The following GRK4 variants were observed in gnomAD, a reference collection of about 807,000 sequenced individuals.
GRK4 encodes the protein G protein-coupled receptor kinase 4.
A neutral mutation model predicts 77.9 loss-of-function variants in GRK4; 73 were observed. That is an observed-to-expected ratio of 0.94 (90% confidence interval 0.78 to 1.14). The LOEUF (loss-of-function observed/expected upper bound fraction) is 1.14, where lower values mean the gene tolerates loss of function less well. Ranked by LOEUF, GRK4 falls within the 50% of genes most tolerant of loss-of-function variation. GRK4 has a pLI of 0.00. For missense variants in GRK4, 729 were observed against 700.2 expected (o/e 1.04, Z -0.46); for synonymous variants, 257 against 254.4 (o/e 1.01, Z -0.10).
chr4:2,992,409 A>G (rs1726492515), intron 4 of GRK4, 117 bp downstream of exon 4: 2 of 634,376 alleles, frequency 3.2e-6, no homozygotes, highest in Non-Finnish European at 5.5e-6. Flanking sequence ...GCTGGGTGTG[A>G]TGCCTGACGC....
chr4:3,007,067 T>G (rs1406214053), intron 5 of GRK4, among the ~76,000 whole-genome samples: 1 of 152,216 alleles, frequency 6.6e-6, no homozygotes. Context: ...CTAGGCTTGG[T>G]GGCTTACACC....
chr4:2,986,910 C>T (rs938428999), intron 2 of GRK4: 2 of 303,272 alleles, frequency 6.6e-6, no homozygotes, highest in South Asian at 2.7e-5. Flanking sequence ...TGTTGTAACC[C>T]CCCCATTGTT....
intron 10 of GRK4, among the ~76,000 whole-genome samples, chr4:3,025,840 T>G (rs572362569): frequency 2.6e-5 from 4 of 152,362 alleles, no homozygotes; most frequent in Non-Finnish European, 5.9e-5. Flanking sequence ...ATTCCTTCAT[T>G]TACATACTAT....
At chr4:2,996,634 T>G (rs578148559) in intron 4 of GRK4, among the ~76,000 whole-genome samples, 1 of 152,018 alleles carries the variant, frequency 6.6e-6, no homozygotes, top group East Asian at 1.9e-4. Context: ...ATGAGCTTTG[T>G]GGGGGATAGA....
chr4:3,035,552 C>A, intron 13 of GRK4, 29 bp downstream of exon 13: 2 of 1,597,802 alleles, frequency 1.3e-6, no homozygotes, highest in East Asian at 2.2e-5. Flanking sequence ...CGAGCAGGGC[C>A]CTAGGAACAG....
chr4:2,972,230 T>C (rs1343256179), intron 1 of GRK4, among the ~76,000 whole-genome samples: 1 of 152,162 alleles, frequency 6.6e-6, no homozygotes, highest in Non-Finnish European at 1.5e-5. Context: ...CAGACTTTAG[T>C]GTCTGTGGAT....
Position 3,023,198 on chromosome 4 carries a change from T to C in GRK4, c.970+747T>C, listed in dbSNP as rs910615335. ...AGACCCTGTAATAGTGGACAGGGAG[T>C]GGCCCTTTTCAGCAGGCTCCTTGTC... is the stretch of plus-strand genomic sequence containing the variant. On this transcript the variant is annotated intron_variant, in intron 10 of 15. Coordinates refer to ENST00000398052, the MANE Select transcript of GRK4 (RefSeq NM_182982.3). Among the ~76,000 whole-genome samples, 5 of 151,882 alleles carry C rather than the reference T, an allele frequency of 3.3e-5. No individual in the cohort carries two copies. The South Asian group carries it at 1.0e-3, about 32-fold the overall frequency.
At chr4:2,992,136 C>G (rs1726384337) in intron 3 of GRK4, 79 bp from the exon 4 acceptor site, 1 of 957,270 alleles carries the variant, frequency 1.0e-6, no homozygotes, top group Middle Eastern at 2.4e-4. Context: ...ACCTCAGCGT[C>G]CCAAGTGGCT....
intron 10 of GRK4, 57 bp from the exon 11 acceptor site, chr4:3,027,855 T>A (rs1035175715): frequency 7.0e-7 from 1 of 1,418,736 alleles, no homozygotes; most frequent in African/African-American, 1.4e-5. Flanking sequence ...TTTTAATTGT[T>A]GTTACGGTGT....
chr4:3,007,593 C>T (rs1049446581), intron 5 of GRK4, 143 bp from the exon 6 acceptor site: 1 of 516,204 alleles, frequency 1.9e-6, no homozygotes, highest in African/African-American at 2.0e-5. Flanking sequence ...CTAACGTGGA[C>T]TTCTGTAATT....
At chr4:3,020,296 G>A (rs570337000) in intron 9 of GRK4, among the ~76,000 whole-genome samples, 11 of 152,236 alleles carry the variant, frequency 7.2e-5, no homozygotes, top group East Asian at 3.9e-4. Flanking sequence ...GTGAGCCACC[G>A]TGCCCAGCCT....
At chr4:2,969,464 C>A (rs1294823653) in intron 1 of GRK4, 6 of 151,802 alleles carry the variant, frequency 4.0e-5, no homozygotes, top group African/African-American at 1.5e-4. Context: ...GCAACCTCCG[C>A]CTCCTGGGTT....
chr4:2,987,457 T>G (rs1402230146), intron 2 of GRK4, among the ~76,000 whole-genome samples: 3 of 152,208 alleles, frequency 2.0e-5, no homozygotes, highest in Non-Finnish European at 2.9e-5. Context: ...AATTACTGTT[T>G]GAAATGTACA....
At chr4:2,986,181 C>T (rs1221497318) in intron 2 of GRK4, among the ~76,000 whole-genome samples, 1 of 151,770 alleles carries the variant, frequency 6.6e-6, no homozygotes, top group East Asian at 1.9e-4. Flanking sequence ...TTTGTGATGC[C>T]TTTGCTAATA....
intron 15 of GRK4, among the ~76,000 whole-genome samples, chr4:3,040,088 C>G (rs546823142): frequency 5.9e-5 from 9 of 152,338 alleles, no homozygotes; most frequent in Non-Finnish European, 1.3e-4. Flanking sequence ...AGCTAAGCAT[C>G]TACCACATCA....
At position 3,007,809 on chromosome 4, in the gene GRK4, C is replaced by G. The variant is rs117478149; in HGVS notation, c.517C>G (p.Gln173Glu). The G allele has an allele frequency of 2.5e-6, 4 of 1,611,126 alleles. No individual in the cohort carries two copies. Among genetic ancestry groups the G allele is most frequent in the Non-Finnish European group, 3.4e-6 (4 of 1,178,354 alleles). ...AAGCTCATATTTTTCTCAGTTTTTA[C>G]AATGGAAATGGCTGGAAAGGTATGT... ...QESSYFSQFL[Q>E]WKWLERQPVT... The change falls in exon 6 of 16, where the codon CAA becomes GAA. Residue 173 changes from glutamine to glutamate, a missense_variant. Gln to Glu is a conservative substitution (Grantham distance 29, BLOSUM62 2). Coordinates refer to ENST00000398052, the MANE Select transcript of GRK4 (RefSeq NM_182982.3).
chr4:2,991,407 C>T (rs1334294927), intron 3 of GRK4, among the ~76,000 whole-genome samples: 1 of 152,234 alleles, frequency 6.6e-6, no homozygotes, highest in African/African-American at 2.4e-5. Flanking sequence ...AACTGGGGCT[C>T]ATAGCCTGCC....
At chr4:3,009,421 C>CAAA (rs33988983) in intron 6 of GRK4, among the ~76,000 whole-genome samples, 11 of 86,650 alleles carry the variant, frequency 1.3e-4, no homozygotes, top group South Asian at 9.3e-4. Context: ...GACTCCATCT[C>CAAA]AAAAAAAAAA....
At chr4:2,992,417 C>T (rs1340186103) in intron 4 of GRK4, 125 bp downstream of exon 4, 16 of 591,624 alleles carry the variant, frequency 2.7e-5, no homozygotes, top group South Asian at 9.1e-5. Context: ...TGATGCCTGA[C>T]GCCTGTAATC....
Sources: allele counts gnomAD v4.1 joint callset (sites outside exome capture counted in the v4.1 genomes callset), GRCh38; gene constraint gnomAD v4.1.1; transcripts MANE v1.5; gene names NCBI Gene and HGNC (gene_info 2026-07-23, HGNC 2026-07-21).